The following ATP7A variants were observed in gnomAD, a reference collection of about 807,000 sequenced individuals.
The protein encoded by ATP7A is ATPase copper transporting alpha.
Under a neutral mutation model 83.5 loss-of-function variants are expected in ATP7A, and 7 were observed. That is an observed-to-expected ratio of 0.08 (90% CI 0.05 to 0.16). ATP7A has a LOEUF of 0.16. Ranked by LOEUF, ATP7A falls within the 10% of genes least tolerant of loss-of-function variation. The pLI, the probability that ATP7A is intolerant of heterozygous loss-of-function variation, is 1.00. For synonymous variants in ATP7A, 354 were observed against 395.2 expected, an observed-to-expected ratio of 0.90 and a Z score of 1.24; for missense variants, 940 against 1,120.8, an observed-to-expected ratio of 0.84 and a Z score of 2.30.
intron 18 of ATP7A, among the ~76,000 whole-genome samples, chrX:78,040,377 C>G (rs1232417413): frequency 1.8e-5 from 2 of 111,312 alleles, no homozygotes; most frequent in African/African-American, 3.3e-5. Flanking sequence ...TTAGTAACCC[C>G]TACCTCACTC....
intron 14 of ATP7A, among the ~76,000 whole-genome samples, chrX:78,022,779 A>C (rs1557235971): frequency 9.1e-6 from 1 of 110,344 alleles, no homozygotes. Context: ...CGGCCTCCCA[A>C]AGTGCTGGGA....
intron 1 of ATP7A, among the ~76,000 whole-genome samples, chrX:77,925,878 A>C (rs1297251253): frequency 9.2e-6 from 1 of 109,188 alleles, no homozygotes; most frequent in Non-Finnish European, 1.9e-5. Context: ...AACTAAGGAA[A>C]GACTTGGCTC....
intron 10 of ATP7A, among the ~76,000 whole-genome samples, 159 bp from the exon 11 acceptor site, chrX:78,014,480 GAAACATTTTGAAGTGAAACATTC>G (rs1334899437): frequency 1.3e-4 from 15 of 111,426 alleles, no homozygotes; most frequent in Admixed American, 7.7e-4. Flanking sequence ...ATTTTCTAGT[GAAACATTTTGAAGTGAAACATTC>G]AAACATTTTG....
At chrX:78,018,066 G>A (rs2077880629) in intron 12 of ATP7A, among the ~76,000 whole-genome samples, 1 of 105,924 alleles carries the variant, frequency 9.4e-6, no homozygotes, top group African/African-American at 3.4e-5. Flanking sequence ...GTGAGCCACC[G>A]CGCCCGGCCA....
chrX:77,968,150 CA>C (rs1306469123), intron 1 of ATP7A, among the ~76,000 whole-genome samples: 1 of 110,023 alleles, frequency 9.1e-6, no homozygotes, highest in African/African-American at 3.3e-5. Context: ...GATTCTAATA[CA>C]CACACCAGGA....
rs782799150 is a variant in ATP7A, at chrX:78,046,515, A to C, written c.4448A>C (p.Asp1483Ala). 1 of 1,211,669 alleles carries C rather than the reference A, an allele frequency of 8.3e-7. No individual in the cohort carries two copies. The highest frequency in any genetic ancestry group is 1.1e-6 in the Non-Finnish European group (1 of 895,485). Residue 1483 changes from aspartate (D) to alanine (A), a missense_variant, in exon 23 of 23, where the codon GAC becomes GCC. Around this residue, in one of 3 missense-constraint regions of ATP7A, gnomAD observed 386 missense variants for 502.2 expected, o/e 0.77. Coordinates refer to ENST00000341514, the MANE Select transcript of ATP7A (RefSeq NM_000052.7). ...AACAGTGTTGTTACCAGTGAACCTG[A>C]CAAGCACTCACTCCTGGTGGGAGAC... ...SLNSVVTSEP[D>A]KHSLLVGDFR...
chrX:77,913,225 G>A (rs1240070609), intron 1 of ATP7A, among the ~76,000 whole-genome samples: 1 of 112,320 alleles, frequency 8.9e-6, no homozygotes, highest in Non-Finnish European at 1.9e-5. Flanking sequence ...AGTTGGGAAA[G>A]TAAATTGCAA....
chrX:78,044,249 C>A (rs1168443787), intron 21 of ATP7A, among the ~76,000 whole-genome samples: 1 of 46,991 alleles, frequency 2.1e-5, no homozygotes, highest in Non-Finnish European at 3.9e-5. Flanking sequence ...AGCGAAACTC[C>A]GTCTCCAAAA....
chrX:77,913,205 T>C (rs2077169591), intron 1 of ATP7A, among the ~76,000 whole-genome samples: 1 of 112,378 alleles, frequency 8.9e-6, no homozygotes, highest in African/African-American at 3.2e-5. Context: ...GAAAATAATC[T>C]TCATTTGCCA....
chrX:77,970,544 C>T (rs990688191), intron 1 of ATP7A, among the ~76,000 whole-genome samples: 4 of 111,202 alleles, frequency 3.6e-5, no homozygotes, highest in Non-Finnish European at 7.5e-5. Context: ...TGGTGGCATG[C>T]GCCCGTAATC....
rs1557235082 is a variant in ATP7A at position 78,015,799 on chromosome X, T to G, written c.2544T>G (p.Ile848Met). ...AACTTGTACAACGTGGAGATATCAT[T>G]AAAGTAGTTCCAGGAGGCAAATTTC... ...DVELVQRGDI[I>M]KVVPGGKFPV... Residue 848 changes from isoleucine (I) to methionine (M), a missense_variant, in exon 12 of 23, where the codon ATT (isoleucine) becomes ATG (methionine). Around this residue, in one of 3 missense-constraint regions of ATP7A, gnomAD observed 386 missense variants for 502.2 expected, o/e 0.77. Transcript: ENST00000341514. The G allele has an allele frequency of 8.3e-7, 1 of 1,211,533 alleles. No homozygotes were observed. The highest frequency in any genetic ancestry group is 1.1e-6 in the Non-Finnish European group (1 of 895,133).
At chrX:77,930,985 C>CTTTTTTTTTTTTTTTTTTTTTCCCTTT (rs1180844779) in intron 1 of ATP7A, among the ~76,000 whole-genome samples, 1 of 34,967 alleles carries the variant, frequency 2.9e-5, no homozygotes, top group Non-Finnish European at 5.4e-5. Context: ...TAGGAACATT[C>CTTTTTTTTTTTTTTTTTTTTTCCCTTT]TTTTTTTTTT....
In ATP7A at chrX:77,983,719, G is replaced by A. The variant is rs782751099; in HGVS notation, c.121-4523G>A. Among the ~76,000 whole-genome samples the A allele has an allele frequency of 8.4e-5, 9 of 107,545 alleles. No homozygotes were observed. The South Asian group carries it at 3.2e-3, about 38-fold the overall frequency. 93.4% of individuals were successfully genotyped at this position (107,545 alleles called of 115,157 possible). Reference sequence around the variant, plus strand: ...TTCAGAGGAACTTTTTTTTTTTTCCGAGACGGAGTTTCACTCTCTTGTCCA... The same window carrying A: ...TTCAGAGGAACTTTTTTTTTTTTCCAAGACGGAGTTTCACTCTCTTGTCCA... On this transcript the variant is annotated intron_variant, in intron 2 of 22. Transcript: ENST00000341514.
chrX:77,970,237 G>T (rs2077538377), intron 1 of ATP7A, among the ~76,000 whole-genome samples: 1 of 111,661 alleles, frequency 9.0e-6, no homozygotes, highest in South Asian at 3.7e-4. Context: ...ATACTTGGTA[G>T]GTGGCTTCCC....
chrX:77,995,892 C>T (rs997978278), intron 4 of ATP7A, among the ~76,000 whole-genome samples: 24 of 110,892 alleles, frequency 2.2e-4, no homozygotes, highest in South Asian at 7.7e-4. Flanking sequence ...AACAGGCTCA[C>T]GCCACCATGC....
intron 1 of ATP7A, among the ~76,000 whole-genome samples, chrX:77,920,105 T>C (rs1294748493): frequency 2.7e-5 from 3 of 111,564 alleles, no homozygotes; most frequent in African/African-American, 9.8e-5. Flanking sequence ...CAATTGATCC[T>C]GGCAATCAGG....
At chrX:77,930,996 T>TACC (rs1266649254) in intron 1 of ATP7A, among the ~76,000 whole-genome samples, 1 of 43,535 alleles carries the variant, frequency 2.3e-5, no homozygotes, top group Non-Finnish European at 4.1e-5. Flanking sequence ...TTTTTTTTTT[T>TACC]TTTTTTTTTT....
chrX:77,921,740 T>TA (rs1268110556), intron 1 of ATP7A, among the ~76,000 whole-genome samples: 2 of 109,993 alleles, frequency 1.8e-5, no homozygotes, highest in Non-Finnish European at 3.8e-5. Context: ...CTGTCTCTAC[T>TA]AAAAAATAGA....
At position 77,969,765 on chromosome X, in the gene ATP7A, TCC is replaced by T. The variant is rs2077535535; in HGVS notation, c.-21-1855_-21-1854del. On this transcript the variant is annotated intron_variant, in intron 1 of 22. Transcript: ENST00000341514. ...TCCCCTCACCAGAGGAACCACTGTT[TCC>T]ATGGGATATATTAGATTGATTTATA... is the stretch of plus-strand genomic sequence containing the variant. 11 of 812,978 alleles carry T rather than the reference TCC, an allele frequency of 1.4e-5. No homozygotes were observed. The South Asian group carries it at 2.6e-4, about 19-fold the overall frequency. 67.0% of individuals were successfully genotyped at this position (812,978 alleles called of 1,213,427 possible).
Sources: gnomAD v4.1 joint callset for allele counts (sites outside exome capture counted in the v4.1 genomes callset) on GRCh38, gnomAD v4.1.1 for gene constraint, gnomAD v4.1.1 regional missense constraint, MANE v1.5 for transcripts, NCBI Gene and HGNC (gene_info 2026-07-23, HGNC 2026-07-21) for gene names.